SIPA1L1: variants seen among roughly 807,000 people sequenced by gnomAD.
SIPA1L1 encodes the protein signal-induced proliferation-associated 1-like protein 1.
In SIPA1L1, 26 loss-of-function variants were observed where a neutral mutation model predicts 162.7. The observed-to-expected ratio is 0.16, with a 90% CI of 0.12 to 0.22. The LOEUF is 0.22. Ranked by LOEUF, SIPA1L1 falls within the 10% of genes least tolerant of loss-of-function variation. The probability of loss-of-function intolerance (pLI) is 1.00; values close to 1 mark genes in which losing one functional copy is unlikely to be tolerated. For synonymous variants in SIPA1L1, 829 were observed against 837.4 expected, an observed-to-expected ratio of 0.99 and a Z score of 0.17; for missense variants, 1,874 against 2,241.0, an observed-to-expected ratio of 0.84 and a Z score of 3.31.
intron 7 of SIPA1L1, among the ~76,000 whole-genome samples, chr14:71,626,375 G>A (rs1186344928): frequency 6.6e-6 from 1 of 152,126 alleles, no homozygotes; most frequent in Non-Finnish European, 1.5e-5. Flanking sequence ...GAGCACCGGG[G>A]GTTAGCCTCT....
chr14:71,329,750 C>T (rs563239781), intron 2 of SIPA1L1, among the ~76,000 whole-genome samples: 1 of 152,276 alleles, frequency 6.6e-6, no homozygotes, highest in African/African-American at 2.4e-5. Flanking sequence ...ATTATCTCTG[C>T]ATATATGTCT....
intron 2 of SIPA1L1, among the ~76,000 whole-genome samples, chr14:71,370,421 CAT>C (rs2038775344): frequency 6.6e-6 from 1 of 152,026 alleles, no homozygotes; most frequent in Non-Finnish European, 1.5e-5. Context: ...TTGAGATAAT[CAT>C]GTGGTTTTTG....
intron 3 of SIPA1L1, among the ~76,000 whole-genome samples, chr14:71,518,692 G>C (rs1188039380): frequency 6.6e-6 from 1 of 152,028 alleles, no homozygotes; most frequent in Non-Finnish European, 1.5e-5. Flanking sequence ...TGTAATCCCA[G>C]CACTTTGGGA....
At chr14:71,610,581 C>T (rs1359517720) in intron 5 of SIPA1L1, among the ~76,000 whole-genome samples, 1 of 152,152 alleles carries the variant, frequency 6.6e-6, no homozygotes, top group Non-Finnish European at 1.5e-5. Flanking sequence ...TTGTCATAGA[C>T]TGATAGCAAC....
At chr14:71,590,288 C>T (rs1053298325) in intron 5 of SIPA1L1, among the ~76,000 whole-genome samples, 4 of 151,852 alleles carry the variant, frequency 2.6e-5, no homozygotes, top group East Asian at 1.9e-4. Flanking sequence ...TGCTTACCCA[C>T]GAAGGACATA....
chr14:71,610,304 A>C (rs2038062065), intron 5 of SIPA1L1, among the ~76,000 whole-genome samples: 2 of 152,190 alleles, frequency 1.3e-5, no homozygotes, highest in Admixed American at 6.5e-5. Flanking sequence ...TTGTAATATA[A>C]GTTTTTTCCA....
chr14:71,495,344 G>C (rs779702240), intron 2 of SIPA1L1, among the ~76,000 whole-genome samples: 1 of 151,474 alleles, frequency 6.6e-6, no homozygotes, highest in Non-Finnish European at 1.5e-5. Flanking sequence ...AGTTGGTATT[G>C]GTTATTTATG....
intron 2 of SIPA1L1, among the ~76,000 whole-genome samples, chr14:71,474,198 C>T (rs897183824): frequency 7.9e-5 from 12 of 152,236 alleles, no homozygotes; most frequent in African/African-American, 1.9e-4. Context: ...AAAAATGAGC[C>T]GTAAATAGTT....
intron 2 of SIPA1L1, among the ~76,000 whole-genome samples, chr14:71,380,951 T>TA (rs1326486284): frequency 1.3e-5 from 2 of 152,186 alleles, no homozygotes; most frequent in Admixed American, 6.5e-5. Context: ...TTCCCACCCT[T>TA]AATGGGAAGA....
At chr14:71,370,728 A>G (rs1285318741) in intron 2 of SIPA1L1, among the ~76,000 whole-genome samples, 1 of 152,158 alleles carries the variant, frequency 6.6e-6, no homozygotes, top group Non-Finnish European at 1.5e-5. Context: ...TGCGTGCCCA[A>G]GGTCAGTTAT....
chr14:71,509,614 G>A (rs755164622), intron 2 of SIPA1L1, among the ~76,000 whole-genome samples: 8 of 151,942 alleles, frequency 5.3e-5, no homozygotes, highest in Non-Finnish European at 1.2e-4. Flanking sequence ...TGTGGTGGCA[G>A]GTGCCTGTAA....
At chr14:71,469,184 T>A (rs1341746359) in intron 2 of SIPA1L1, among the ~76,000 whole-genome samples, 1 of 150,976 alleles carries the variant, frequency 6.6e-6, no homozygotes, top group Non-Finnish European at 1.5e-5. Context: ...ACCTTACCCA[T>A]CCGCAGAGTC....
At chr14:71,547,102 T>C (rs1054659475) in intron 4 of SIPA1L1, among the ~76,000 whole-genome samples, 3 of 152,040 alleles carry the variant, frequency 2.0e-5, no homozygotes, top group African/African-American at 2.4e-5. Flanking sequence ...CCCTAATAGC[T>C]CTTTAGCTCT....
At chr14:71,581,742 A>G (rs934829253) in intron 4 of SIPA1L1, among the ~76,000 whole-genome samples, 2 of 152,322 alleles carry the variant, frequency 1.3e-5, no homozygotes, top group South Asian at 4.1e-4. Flanking sequence ...GATGGCAGGC[A>G]TGGAAACTCT....
chr14:71,740,712 TTTTTTTCTGG>T lies in SIPA1L1; in HGVS notation c.*1553_*1562del, dbSNP rs1321574935. ...TGATTGTGATTTCTCCATGGAATTT[TTTTTTTCTGG>T]TGACATTTCTATCATGGAAATAGGA... is the stretch of plus-strand genomic sequence containing the variant. On this transcript the variant is annotated 3_prime_UTR_variant, in exon 24 of 24. Coordinates refer to ENST00000381232, the MANE Select transcript of SIPA1L1 (RefSeq NM_001386936.1). The T allele has an allele frequency of 6.6e-6, 1 of 152,238 alleles. No individual in the cohort carries two copies. Among genetic ancestry groups the T allele is most frequent in the East Asian group, 1.9e-4 (1 of 5,202 alleles). The allele number at this position is 152,238 out of a possible 1,614,324, so 9.4% of individuals were successfully genotyped here.
At chr14:71,439,544 A>T (rs907088850) in intron 2 of SIPA1L1, among the ~76,000 whole-genome samples, 2 of 152,208 alleles carry the variant, frequency 1.3e-5, no homozygotes, top group African/African-American at 4.8e-5. Context: ...CTTTATTTTC[A>T]TAACTACTCA....
intron 9 of SIPA1L1, among the ~76,000 whole-genome samples, chr14:71,660,931 T>G (rs1392558429): frequency 6.6e-6 from 1 of 152,184 alleles, no homozygotes; most frequent in Non-Finnish European, 1.5e-5. Context: ...GAACATAAAT[T>G]ACATTGTAAT....
intron 5 of SIPA1L1, among the ~76,000 whole-genome samples, chr14:71,616,086 A>G (rs532665524): frequency 1.3e-5 from 2 of 152,300 alleles, no homozygotes; most frequent in East Asian, 3.9e-4. Flanking sequence ...AGAGTCGTCA[A>G]CATTGAGGTG....
chr14:71,671,670 A>T lies in SIPA1L1; in HGVS notation c.2807A>T (p.Lys936Ile). The T allele has an allele frequency of 6.2e-7, 1 of 1,602,078 alleles. No homozygotes were observed. The highest frequency in any genetic ancestry group is 8.5e-7 in the Non-Finnish European group (1 of 1,175,036). The change falls in exon 11 of 24, where the codon AAA becomes ATA. Residue 936 changes from lysine (K) to isoleucine (I), a missense_variant. This residue lies in a region of SIPA1L1 where 243 missense variants were observed against 315.0 expected (regional missense o/e 0.77). Transcript: ENST00000381232. ...VGSFINIEEI[K>I]EIVKRLQFVS... ...AGTTTTATTAACATTGAGGAGATCA[A>T]AGAGATTGTCAAAAGGTTGCAGGTG...
Sources: allele counts gnomAD v4.1 joint callset (sites outside exome capture counted in the v4.1 genomes callset), GRCh38; gene constraint gnomAD v4.1.1; regional missense constraint gnomAD v4.1.1; transcripts MANE v1.5; gene names NCBI Gene and HGNC (gene_info 2026-07-23, HGNC 2026-07-21).